Variants in TSC22D1 observed in about 807,000 individuals in gnomAD.
TSC22D1 encodes the protein TSC22 domain family member 1.
TSC22D1 carries 9 observed loss-of-function variants against 74.2 expected under a neutral mutation model. That is an observed-to-expected ratio of 0.12 (90% confidence interval 0.07 to 0.21). The LOEUF is 0.21. Among genes scored for constraint, TSC22D1 ranks in the 10% least tolerant of loss-of-function variants. The pLI, the probability that TSC22D1 is intolerant of heterozygous loss-of-function variation, is 1.00. For missense variants in TSC22D1, 1,427 were observed against 1,304.7 expected (o/e 1.09, Z -1.44); for synonymous variants, 586 against 492.5 (o/e 1.19, Z -2.51).
At chr13:44,436,790 A>C in intron 1 of TSC22D1, 1 of 1,439,312 alleles carries the variant, frequency 6.9e-7, no homozygotes, top group Non-Finnish European at 9.1e-7. Flanking sequence ...GATCCCAGGC[A>C]GATGCGGATC....
Position 44,527,081 on chromosome 13 carries a change from C to T in TSC22D1, c.2912+46082G>A, listed in dbSNP as rs553280201. Among the ~76,000 whole-genome samples the T allele has an allele frequency of 3.3e-5, 5 of 152,136 alleles. No individual in the cohort carries two copies. The East Asian group carries it at 9.6e-4, about 29-fold the overall frequency. On this transcript the variant is annotated intron_variant, in intron 1 of 2. Coordinates refer to ENST00000458659, the MANE Select transcript of TSC22D1 (RefSeq NM_183422.4). ...AAGAAAAAACTAGCAACCTACAATT[C>T]TGCATACAGCAAAATTCTTGAAAAG...
At chr13:44,545,226 G>T (rs2065838) in intron 1 of TSC22D1, among the ~76,000 whole-genome samples, 151,309 of 152,148 alleles carry the variant, frequency 0.99, 75,248 homozygotes, top group East Asian at 1. Flanking sequence ...TCCCAGCTAC[G>T]TGGGAGGCTG....
chr13:44,443,294 C>T (rs567172004), intron 1 of TSC22D1, among the ~76,000 whole-genome samples: 3 of 148,518 alleles, frequency 2.0e-5, no homozygotes, highest in Non-Finnish European at 4.4e-5. Flanking sequence ...AGTGCAGCAA[C>T]ATCTTTAACT....
intron 1 of TSC22D1, among the ~76,000 whole-genome samples, chr13:44,542,176 A>T (rs998552332): frequency 6.6e-6 from 1 of 152,066 alleles, no homozygotes; most frequent in Non-Finnish European, 1.5e-5. Flanking sequence ...ACTTTCCAAT[A>T]GTTTTCCTTC....
chr13:44,528,889 G>T (rs900462030), intron 1 of TSC22D1, among the ~76,000 whole-genome samples: 2 of 151,868 alleles, frequency 1.3e-5, no homozygotes, highest in African/African-American at 4.8e-5. Flanking sequence ...TAGATGAAAT[G>T]GGCAAATTCC....
At chr13:44,560,225 T>A (rs530314786) in intron 1 of TSC22D1, among the ~76,000 whole-genome samples, 1 of 152,126 alleles carries the variant, frequency 6.6e-6, no homozygotes, top group East Asian at 1.9e-4. Context: ...AGCTCAGGAG[T>A]TTGAGCCCAC....
chr13:44,543,566 C>A (rs1881614210), intron 1 of TSC22D1, among the ~76,000 whole-genome samples: 1 of 152,158 alleles, frequency 6.6e-6, no homozygotes. Flanking sequence ...CCAAAACAGT[C>A]CTAGCTGGCA....
chr13:44,516,337 G>T, intron 1 of TSC22D1: 1 of 477,018 alleles, frequency 2.1e-6, no homozygotes, highest in Non-Finnish European at 4.1e-6. Flanking sequence ...CTCTAATTCT[G>T]AAGAACCTGC....
intron 1 of TSC22D1, among the ~76,000 whole-genome samples, chr13:44,525,795 C>CAAAAAAAA (rs59399056): frequency 1.1e-5 from 1 of 88,550 alleles, no homozygotes; most frequent in African/African-American, 3.5e-5. Context: ...TAGCTTTTAA[C>CAAAAAAAA]AAAAAAAAAA....
intron 1 of TSC22D1, among the ~76,000 whole-genome samples, chr13:44,454,551 T>A (rs1008667318): frequency 6.0e-5 from 9 of 149,480 alleles, no homozygotes; most frequent in African/African-American, 2.2e-4. Context: ...CCCATTTAAT[T>A]AGTTACTATA....
intron 1 of TSC22D1, among the ~76,000 whole-genome samples, chr13:44,516,903 G>C (rs1391014074): frequency 1.3e-5 from 2 of 152,152 alleles, no homozygotes; most frequent in Non-Finnish European, 2.9e-5. Context: ...AGGAAGAAAG[G>C]GATAGCAGTC....
chr13:44,512,657 C>CTT (rs1555268940), intron 1 of TSC22D1, among the ~76,000 whole-genome samples: 1 of 151,310 alleles, frequency 6.6e-6, no homozygotes, highest in Admixed American at 6.6e-5. Context: ...TAAAAGCAAT[C>CTT]TTTTTTGTTT....
Position 44,573,566 on chromosome 13 carries a change from T to A in TSC22D1, c.2509A>T (p.Ser837Cys). Residue 837 changes from serine (S) to cysteine (C), a missense_variant, in exon 1 of 3, where the codon AGT becomes TGT. Physicochemically the swap from Ser to Cys is moderately radical, Grantham distance 112 (BLOSUM62 -1). This residue lies in a region of TSC22D1 where 1,343 missense variants were observed against 1,191.5 expected (regional missense o/e 1.13). Coordinates refer to ENST00000458659, the MANE Select transcript of TSC22D1 (RefSeq NM_183422.4). The stretch of plus-strand genomic sequence containing the variant: ...GGCATTCCAGAAGGACCAGTTGAAC[T>A]AACCTGACTTGTAACAGAAATACTA... ...ASSISVTSQV[S>C]STGPSGMPSA... 6.2e-7 allele frequency: 1 copy of A among 1,614,248 alleles called. No homozygotes were observed. Among genetic ancestry groups the A allele is most frequent in the Non-Finnish European group, 8.5e-7 (1 of 1,180,048 alleles).
intron 1 of TSC22D1, among the ~76,000 whole-genome samples, chr13:44,448,017 T>C (rs1450053531): frequency 2.6e-5 from 4 of 152,028 alleles, no homozygotes; most frequent in Non-Finnish European, 5.9e-5. Context: ...AATTTCTTCA[T>C]AAATTACCAC....
At chr13:44,544,456 T>C (rs1192160865) in intron 1 of TSC22D1, among the ~76,000 whole-genome samples, 1 of 150,916 alleles carries the variant, frequency 6.6e-6, no homozygotes, top group East Asian at 1.9e-4. Context: ...ATCTTGTGTG[T>C]ATTATCAAAT....
intron 1 of TSC22D1, among the ~76,000 whole-genome samples, chr13:44,495,671 G>C (rs762644539): frequency 4.6e-5 from 7 of 152,046 alleles, no homozygotes; most frequent in Non-Finnish European, 8.8e-5. Flanking sequence ...CAGGCCAGTG[G>C]AATAAAACTG....
chr13:44,478,134 A>G (rs1878010965), intron 1 of TSC22D1, among the ~76,000 whole-genome samples: 1 of 152,152 alleles, frequency 6.6e-6, no homozygotes, highest in Non-Finnish European at 1.5e-5. Flanking sequence ...TAAAAGCAGA[A>G]CTATTTTTAA....
chr13:44,546,800 T>C (rs1221672049), intron 1 of TSC22D1, among the ~76,000 whole-genome samples: 1 of 141,114 alleles, frequency 7.1e-6, no homozygotes, highest in Non-Finnish European at 1.6e-5. Flanking sequence ...GTACTTAGGG[T>C]GTGGCTCTGT....
Position 44,434,120 on chromosome 13 carries a change from G to A in TSC22D1, c.*506C>T. 4.0e-6 allele frequency: 6 copies of A among 1,498,626 alleles called. No homozygotes were observed. The highest frequency in any genetic ancestry group is 5.3e-6 in the Non-Finnish European group (6 of 1,137,350). The allele number at this position is 1,498,626 out of a possible 1,614,324, so 92.8% of individuals were successfully genotyped here. A position where few individuals can be genotyped will look rare whatever the true frequency, so the allele number is the denominator to read the frequency against. On this transcript the variant is annotated 3_prime_UTR_variant, in exon 3 of 3. Coordinates refer to ENST00000458659, the MANE Select transcript of TSC22D1 (RefSeq NM_183422.4). ...ACTATTGTTTTTTATGAATTTTGGT[G>A]ACAGTTGTCAAATTTGTACAGTGAA...
Sources: allele counts gnomAD v4.1 joint callset (sites outside exome capture counted in the v4.1 genomes callset), GRCh38; gene constraint gnomAD v4.1.1; regional missense constraint gnomAD v4.1.1; transcripts MANE v1.5; gene names NCBI Gene and HGNC (gene_info 2026-07-23, HGNC 2026-07-21).